The following LAMA3 variants were observed in gnomAD, a reference collection of about 807,000 sequenced individuals.
LAMA3 encodes laminin subunit alpha 3.
A neutral mutation model predicts 402.0 loss-of-function variants in LAMA3; 281 were observed. The observed-to-expected ratio is 0.70, with a 90% CI of 0.63 to 0.77. The LOEUF (loss-of-function observed/expected upper bound fraction) is 0.77. LAMA3 is among the 30% of genes least tolerant of loss of function. The probability of loss-of-function intolerance (pLI) is 0.00; values close to 1 mark genes in which losing one functional copy is unlikely to be tolerated. For synonymous variants in LAMA3, 1,431 were observed against 1,558.4 expected, an observed-to-expected ratio of 0.92 and a Z score of 1.93; for missense variants, 3,840 against 4,215.5, an observed-to-expected ratio of 0.91 and a Z score of 2.47.
At position 23,750,908 on chromosome 18, in the gene LAMA3, G is replaced by C. The variant is rs1442870715; in HGVS notation, c.685-10G>C. 1 of 1,614,030 alleles carries C rather than the reference G, an allele frequency of 6.2e-7. No individual in the cohort carries two copies. The highest frequency in any genetic ancestry group is 1.1e-5 in the South Asian group (1 of 91,076). On this transcript the variant is annotated splice_polypyrimidine_tract_variant and intron_variant, in intron 4 of 74. Coordinates refer to ENST00000313654, the MANE Select transcript of LAMA3 (RefSeq NM_198129.4). Reference sequence around the variant, plus strand: ...CTTTTTCCCCCTTTATGTGTGTGTGGTCATTTTAGGTTGTGGTGTCCTTGA... The same window carrying C: ...CTTTTTCCCCCTTTATGTGTGTGTGCTCATTTTAGGTTGTGGTGTCCTTGA...
In LAMA3 at chr18:23,907,954, C is replaced by G; in HGVS notation, c.7015+19C>G. On this transcript the variant is annotated intron_variant, in intron 54 of 74. Coordinates refer to ENST00000313654, the MANE Select transcript of LAMA3 (RefSeq NM_198129.4). The stretch of plus-strand genomic sequence containing the variant: ...AACTCGGGTATCAGGCGATCTCTGG[C>G]CAGGACATCTTAGCCATTCTCTCCA... 2 of 1,611,500 alleles carry G rather than the reference C, an allele frequency of 1.2e-6. No individual in the cohort carries two copies. Among genetic ancestry groups the G allele is most frequent in the South Asian group, 1.1e-5 (1 of 90,868 alleles).
intron 21 of LAMA3, 101 bp downstream of exon 21, chr18:23,824,666 A>G (rs145547374): frequency 2.3e-6 from 3 of 1,325,702 alleles, no homozygotes; most frequent in Admixed American, 1.7e-5. Flanking sequence ...AAATATCACA[A>G]TCATTGGTGG....
chr18:23,889,389 T>C, intron 41 of LAMA3, among the ~76,000 whole-genome samples: 1 of 152,018 alleles, frequency 6.6e-6, no homozygotes, highest in Non-Finnish European at 1.5e-5. Flanking sequence ...TAGCAAGACC[T>C]CATCTCTACT....
At position 23,824,577 on chromosome 18, in the gene LAMA3, T is replaced by C. The variant is rs775377525; in HGVS notation, c.2571+12T>C. The C allele has an allele frequency of 1.2e-6, 2 of 1,613,760 alleles. No individual in the cohort carries two copies. Among genetic ancestry groups the C allele is most frequent in the South Asian group, 2.2e-5 (2 of 91,076 alleles). ...AAGGAGTCCTTCTGGTAAGACTTAG[T>C]TCTGAATGGAGAGCTCCTGCGGGAT... On this transcript the variant is annotated intron_variant, in intron 21 of 74. Coordinates refer to ENST00000313654, the MANE Select transcript of LAMA3 (RefSeq NM_198129.4).
Position 23,909,235 on chromosome 18 carries a change from C to A in LAMA3, c.7098C>A (p.Ile2366=), listed in dbSNP as rs142459106. Residue 2366 remains isoleucine, a synonymous_variant, in exon 55 of 75, where the codon ATC becomes ATA. Transcript: ENST00000313654. Reference sequence around the variant, plus strand: ...AACAGCTGTTGCCCTTGGGAAACATCTCTGACAACATGGACAGAATACGAG... The same window carrying A: ...AACAGCTGTTGCCCTTGGGAAACATATCTGACAACATGGACAGAATACGAG... ...INQQLLPLGN[I]SDNMDRIREL... 1 of 1,613,892 alleles carries A rather than the reference C, an allele frequency of 6.2e-7. No homozygotes were observed. The highest frequency in any genetic ancestry group is 1.3e-5 in the African/African-American group (1 of 75,064).
At position 23,737,455 on chromosome 18, in the gene LAMA3, AC is replaced by A. The variant is rs534437740; in HGVS notation, c.448-10485del. Among the ~76,000 whole-genome samples the A allele has an allele frequency of 7.8e-4, 118 of 152,124 alleles. No individual in the cohort carries two copies. The Middle Eastern group carries it at 0.014, about 18-fold the overall frequency. On this transcript the variant is annotated intron_variant, in intron 2 of 74. Transcript: ENST00000313654. ...CCCCCTGCCCTGCGATGTCACTCTG[AC>A]CCACACATTTGTTCTGCTATGAAAG... is the stretch of plus-strand genomic sequence containing the variant.
intron 7 of LAMA3, 36 bp downstream of exon 7, chr18:23,758,547 C>T (rs770180868): frequency 6.8e-5 from 93 of 1,361,628 alleles, no homozygotes; most frequent in Middle Eastern, 2.0e-4. Context: ...CACACGTGGC[C>T]TTCTCCCCCC....
intron 8 of LAMA3, among the ~76,000 whole-genome samples, chr18:23,768,017 A>T (rs947906987): frequency 6.6e-6 from 1 of 152,214 alleles, no homozygotes; most frequent in Admixed American, 6.5e-5. Flanking sequence ...AAGACCTCAA[A>T]CTATAAGAAT....
At chr18:23,777,917 A>G (rs1014696086) in intron 11 of LAMA3, among the ~76,000 whole-genome samples, 2 of 152,228 alleles carry the variant, frequency 1.3e-5, no homozygotes, top group Admixed American at 1.3e-4. Context: ...GAGTTCCCCG[A>G]AAACAGACCC....
chr18:23,931,319 A>T (rs193025054), intron 65 of LAMA3, 118 bp downstream of exon 65: 24 of 840,066 alleles, frequency 2.9e-5, no homozygotes, highest in Middle Eastern at 3.1e-4. Context: ...ATACTTCACT[A>T]ATAAGTCTTG....
rs61751704 is a variant in LAMA3, at chr18:23,914,457, C to T, written c.7377C>T (p.Thr2459=). 9.2e-5 allele frequency: 149 copies of T among 1,614,014 alleles called. 1 individual carries two copies. The highest frequency in any genetic ancestry group is 1.3e-4 in the Admixed American group (8 of 59,998). ...TGGCAGTTGTGGATGGCCAGCTCAC[C>T]TGTGTCTACAACCTGGGGGACCGTG... ...IGMAVVDGQL[T]CVYNLGDREA... Residue 2459 remains threonine (T), a synonymous_variant, in exon 57 of 75, where the codon ACC becomes ACT. Transcript: ENST00000313654.
chr18:23,720,493 T>A (rs1424109132), intron 2 of LAMA3, among the ~76,000 whole-genome samples: 1 of 152,124 alleles, frequency 6.6e-6, no homozygotes, highest in Non-Finnish European at 1.5e-5. Context: ...TAGCTGGGAC[T>A]ACAGGCACGG....
At chr18:23,762,852 A>G (rs2061997784) in intron 7 of LAMA3, among the ~76,000 whole-genome samples, 1 of 116,254 alleles carries the variant, frequency 8.6e-6, no homozygotes, top group Admixed American at 8.6e-5. Flanking sequence ...CAAGTAGTAT[A>G]TATATATATT....
At chr18:23,884,401 T>A (rs2065003294) in intron 40 of LAMA3, among the ~76,000 whole-genome samples, 1 of 152,142 alleles carries the variant, frequency 6.6e-6, no homozygotes, top group African/African-American at 2.4e-5. Flanking sequence ...TTTTAAAGAA[T>A]CAGAACTCTC....
intron 18 of LAMA3, among the ~76,000 whole-genome samples, chr18:23,816,925 G>A (rs2063187116): frequency 6.6e-6 from 1 of 152,060 alleles, no homozygotes; most frequent in Non-Finnish European, 1.5e-5. Context: ...GGGGCAGTGC[G>A]ACATACCCAG....
chr18:23,777,497 T>C, intron 10 of LAMA3, 60 bp from the exon 11 acceptor site: 2 of 1,139,842 alleles, frequency 1.8e-6, no homozygotes, highest in South Asian at 1.2e-5. Context: ...TACAACTTAA[T>C]GTTTTACTTT....
intron 7 of LAMA3, among the ~76,000 whole-genome samples, chr18:23,759,715 G>A (rs2061930620): frequency 6.6e-6 from 1 of 152,164 alleles, no homozygotes; most frequent in African/African-American, 2.4e-5. Flanking sequence ...AATATTTTTT[G>A]TAACTATTAG....
chr18:23,914,595 A>C (rs761802719), intron 57 of LAMA3, 34 bp downstream of exon 57: 86 of 1,612,910 alleles, frequency 5.3e-5, no homozygotes, highest in Non-Finnish European at 7.0e-5. Context: ...TGTGCTCACC[A>C]AACTTCCATG....
Position 23,916,696 on chromosome 18 carries a change from G to A in LAMA3, c.7923+1G>A, listed in dbSNP as rs1472461229. 1 of 1,613,832 alleles carries A rather than the reference G, an allele frequency of 6.2e-7. No homozygotes were observed. Among genetic ancestry groups the A allele is most frequent in the South Asian group, 1.1e-5 (1 of 91,066 alleles). On this transcript the variant is annotated splice_donor_variant, in intron 60 of 74. Coordinates refer to ENST00000313654, the MANE Select transcript of LAMA3 (RefSeq NM_198129.4). LOFTEE classifies it high-confidence loss of function. ...CTTGCTGTTCTTTGCAGAAAACGGGGTAATCTATAACAAGCATCCAGATAC... is the reference window on the plus strand; with the variant it reads ...CTTGCTGTTCTTTGCAGAAAACGGGATAATCTATAACAAGCATCCAGATAC...
Sources: allele counts gnomAD v4.1 joint callset (sites outside exome capture counted in the v4.1 genomes callset), GRCh38; gene constraint gnomAD v4.1.1; transcripts MANE v1.5; gene names NCBI Gene and HGNC (gene_info 2026-07-23, HGNC 2026-07-21).